The following CHRM2 variants were observed in gnomAD, a reference collection of about 807,000 sequenced individuals.
CHRM2 encodes cholinergic receptor muscarinic 2.
A neutral mutation model predicts 25.0 loss-of-function variants in CHRM2; 8 were observed. The ratio of observed to expected loss-of-function variants is 0.32; its 90% CI spans 0.19 to 0.58. The LOEUF (loss-of-function observed/expected upper bound fraction) is 0.58, where lower values mean the gene tolerates loss of function less well. CHRM2 is among the 20% of genes least tolerant of loss of function. The pLI, the probability that CHRM2 is intolerant of heterozygous loss-of-function variation, is 0.88. For missense variants in CHRM2, 440 were observed against 567.1 expected (o/e 0.78, Z 2.28); for synonymous variants, 202 against 205.7 (o/e 0.98, Z 0.15).
rs892263687 is a variant in CHRM2 at position 137,011,238 on chromosome 7, T to C, written c.-46-3582T>C. Among the ~76,000 whole-genome samples the C allele has an allele frequency of 6.7e-5, 10 of 150,042 alleles. 1 individual carries two copies. Among genetic ancestry groups the C allele is most frequent in the African/African-American group, 2.5e-4 (10 of 40,410 alleles). ...GTGTATATATATATATATATATGGA[T>C]TTATTAGGAAAATTGGCTCAAGTGT... On this transcript the variant is annotated intron_variant, in intron 3 of 3. Transcript: ENST00000680005.
rs578193949 is a variant in CHRM2, at chr7:137,014,947, C to T, written c.82C>T (p.Leu28=). ...GACATTTGAAGTGGTGTTTATTGTC[C>T]TGGTGGCTGGATCCCTCAGTTTGGT... ...YKTFEVVFIV[L]VAGSLSLVTI... Residue 28 remains leucine (L), a synonymous_variant, in exon 4 of 4, where the codon CTG becomes TTG. Coordinates refer to ENST00000680005, the MANE Select transcript of CHRM2 (RefSeq NM_001006630.2). 2.5e-6 allele frequency: 4 copies of T among 1,613,268 alleles called. No homozygotes were observed. Among genetic ancestry groups the T allele is most frequent in the Non-Finnish European group, 3.4e-6 (4 of 1,179,544 alleles).
At chr7:137,001,910 CCTT>C (rs1175513155) in intron 3 of CHRM2, among the ~76,000 whole-genome samples, 7 of 152,152 alleles carry the variant, frequency 4.6e-5, no homozygotes, top group Non-Finnish European at 8.8e-5. Context: ...GGGAAACTGT[CCTT>C]CTGTGGGGTT....
chr7:136,903,671 TTAAA>T (rs1489077049), intron 2 of CHRM2, among the ~76,000 whole-genome samples: 1 of 151,988 alleles, frequency 6.6e-6, no homozygotes, highest in East Asian at 1.9e-4. Flanking sequence ...CATATTATTC[TTAAA>T]TAATACGCCT....
chr7:136,925,085 G>A (rs865960034), intron 2 of CHRM2, among the ~76,000 whole-genome samples: 2 of 152,120 alleles, frequency 1.3e-5, no homozygotes, highest in South Asian at 4.1e-4. Context: ...TAGCTAATAT[G>A]CAGTAGTCTG....
chr7:136,928,388 G>T (rs1798863560), intron 2 of CHRM2, among the ~76,000 whole-genome samples: 1 of 152,180 alleles, frequency 6.6e-6, no homozygotes, highest in Non-Finnish European at 1.5e-5. Context: ...AGACTGGAAA[G>T]TAGTAGATGT....
At chr7:136,922,399 T>G (rs1049597988) in intron 2 of CHRM2, among the ~76,000 whole-genome samples, 1 of 152,200 alleles carries the variant, frequency 6.6e-6, no homozygotes, top group Non-Finnish European at 1.5e-5. Context: ...TAACTAGTGT[T>G]ATTGCTTGGA....
chr7:136,869,583 G>C lies in CHRM2; in HGVS notation c.-125+165G>C, dbSNP rs2130434811. 6.6e-6 allele frequency among the ~76,000 whole-genome samples: 1 copy of C among 152,288 alleles called. No individual in the cohort carries two copies. The highest frequency in any genetic ancestry group is 1.5e-5 in the Non-Finnish European group (1 of 68,022). On this transcript the variant is annotated intron_variant, in intron 2 of 3. Coordinates refer to ENST00000680005, the MANE Select transcript of CHRM2 (RefSeq NM_001006630.2). The surrounding 1 kb of genome is among the most constrained non-coding windows in gnomAD (Gnocchi z 4.9). ...TGCAGATTCTCAAACGGAAACTTTG[G>C]ATCCTGGGGCTTGGAGGGTTGCGAG...
At chr7:136,921,407 G>A (rs575072350) in intron 2 of CHRM2, among the ~76,000 whole-genome samples, 1 of 152,188 alleles carries the variant, frequency 6.6e-6, no homozygotes, top group East Asian at 1.9e-4. Context: ...CAGCTTACAT[G>A]ATCTCTTAAA....
chr7:136,901,752 A>G (rs1797222618), intron 2 of CHRM2: 1 of 152,064 alleles, frequency 6.6e-6, no homozygotes, highest in Non-Finnish European at 1.5e-5. Flanking sequence ...TAAGATTTAC[A>G]GCTTACAAAG....
rs539247072 is a variant in CHRM2, at chr7:136,906,671, G to A, written c.-125+37253G>A. Among the ~76,000 whole-genome samples the A allele has an allele frequency of 2.0e-4, 31 of 151,352 alleles. No homozygotes were observed. In the South Asian group the frequency reaches 2.1e-3, roughly 10 times the overall value. On this transcript the variant is annotated intron_variant, in intron 2 of 3. Transcript: ENST00000680005. ...TTTTAATAAACTTAATATTTTGAGC[G>A]AATGCATATCTAGGTATATATTTCC... is the stretch of plus-strand genomic sequence containing the variant.
chr7:136,870,609 T>C lies in CHRM2; in HGVS notation c.-125+1191T>C, dbSNP rs1315073069. 2.6e-5 allele frequency: 4 copies of C among 152,676 alleles called. 1 individual carries two copies. The highest frequency in any genetic ancestry group is 3.9e-4 in the East Asian group (2 of 5,178). 9.5% of individuals were successfully genotyped at this position (152,676 alleles called of 1,614,324 possible). A position where few individuals can be genotyped will look rare whatever the true frequency, so the allele number is the denominator to read the frequency against. ...CCGACCCGCCAGTCCCTGGCGATGA[T>C]GCCAAGGCTCTTGCATGTACGGAAA... On this transcript the variant is annotated intron_variant, in intron 2 of 3. Coordinates refer to ENST00000680005, the MANE Select transcript of CHRM2 (RefSeq NM_001006630.2).
intron 2 of CHRM2, among the ~76,000 whole-genome samples, chr7:136,915,029 G>A (rs1357544043): frequency 6.6e-6 from 1 of 151,870 alleles, no homozygotes. Flanking sequence ...CCTATATGAA[G>A]AGTATGACAT....
At chr7:136,881,380 T>C (rs966697421) in intron 2 of CHRM2, among the ~76,000 whole-genome samples, 2 of 151,886 alleles carry the variant, frequency 1.3e-5, no homozygotes, top group African/African-American at 4.8e-5. Flanking sequence ...TCATTTTTCT[T>C]TGGGATTTTC....
chr7:136,940,307 G>A (rs534992562), intron 2 of CHRM2, among the ~76,000 whole-genome samples: 1 of 152,210 alleles, frequency 6.6e-6, no homozygotes, highest in Non-Finnish European at 1.5e-5. Context: ...ATTTGAAGCA[G>A]TACAGTATAC....
chr7:136,920,312 C>T (rs1464795030), intron 2 of CHRM2, among the ~76,000 whole-genome samples: 3 of 152,018 alleles, frequency 2.0e-5, no homozygotes, highest in Admixed American at 6.6e-5. Flanking sequence ...TAAAACAAAT[C>T]GAGGGTGCAT....
chr7:137,006,148 T>C (rs1192447529), intron 3 of CHRM2, among the ~76,000 whole-genome samples: 1 of 152,148 alleles, frequency 6.6e-6, no homozygotes, highest in South Asian at 2.1e-4. Flanking sequence ...AAATCCTTGG[T>C]ACAGAAAAAG....
chr7:136,930,702 C>T (rs1306132696), intron 2 of CHRM2, among the ~76,000 whole-genome samples: 4 of 151,898 alleles, frequency 2.6e-5, no homozygotes, highest in Admixed American at 6.6e-5. Context: ...TCGAGACCAT[C>T]GTGGTTAACA....
Position 136,921,794 on chromosome 7 carries a change from C to CTTTTTTTTTTTTTT in CHRM2, c.-125+52384_-125+52385insTTTTTTTTTTTTTT, listed in dbSNP as rs398006503. 2.0e-4 allele frequency among the ~76,000 whole-genome samples: 23 copies of CTTTTTTTTTTTTTT among 116,628 alleles called. 3 individuals carry two copies. Among genetic ancestry groups the CTTTTTTTTTTTTTT allele is most frequent in the Non-Finnish European group, 4.1e-4 (20 of 48,778 alleles). The allele number at this position is 116,628 out of a possible 152,430, so 76.5% of individuals were successfully genotyped here. Reference sequence around the variant, plus strand: ...TCTTTCTTTCTTTCTTTCTTTCTTTCTTTTTTTTGAGACAGATTCTCACTC... The same window carrying CTTTTTTTTTTTTTT: ...TCTTTCTTTCTTTCTTTCTTTCTTTCTTTTTTTTTTTTTTTTTTTTTTGAGACAGATTCTCACTC... On this transcript the variant is annotated intron_variant, in intron 2 of 3. Transcript: ENST00000680005.
intron 3 of CHRM2, among the ~76,000 whole-genome samples, chr7:137,012,791 C>T (rs1381765201): frequency 2.6e-5 from 4 of 151,938 alleles, no homozygotes; most frequent in Non-Finnish European, 5.9e-5. Context: ...CTGAAAGACA[C>T]ATTCCTAAAT....
Sources: allele counts gnomAD v4.1 joint callset (sites outside exome capture counted in the v4.1 genomes callset), GRCh38; gene constraint gnomAD v4.1.1; non-coding constraint Gnocchi (gnomAD v3.1); transcripts MANE v1.5; gene names NCBI Gene and HGNC (gene_info 2026-07-23, HGNC 2026-07-21).